Variants in PLSCR1 observed in about 807,000 individuals in gnomAD.
PLSCR1 encodes phospholipid scramblase 1, also known as PL scramblase 1.
A neutral mutation model predicts 37.8 loss-of-function variants in PLSCR1; 17 were observed. The ratio of observed to expected loss-of-function variants is 0.45; its 90% CI spans 0.31 to 0.68. The LOEUF (loss-of-function observed/expected upper bound fraction) is 0.68. PLSCR1 is among the 30% of genes least tolerant of loss of function. The pLI is 0.06. For missense variants in PLSCR1, 347 were observed against 380.9 expected (o/e 0.91, Z 0.74); for synonymous variants, 116 against 125.9 (o/e 0.92, Z 0.53).
chr3:146,522,535 C>T (rs1001146186), intron 5 of PLSCR1, among the ~76,000 whole-genome samples: 2 of 152,100 alleles, frequency 1.3e-5, no homozygotes, highest in African/African-American at 4.8e-5. Context: ...TCTCAAGTAC[C>T]CAGGGACACA....
intron 4 of PLSCR1, 48 bp from the exon 5 acceptor site, chr3:146,525,695 T>G (rs369836940): frequency 2.4e-6 from 2 of 835,352 alleles, no homozygotes; most frequent in African/African-American, 3.5e-5. Flanking sequence ...AAATGAAGGT[T>G]TTTATAAGCT....
At chr3:146,528,107 A>G (rs2044144276) in intron 4 of PLSCR1, 2 of 152,494 alleles carry the variant, frequency 1.3e-5, no homozygotes, top group South Asian at 4.1e-4. Flanking sequence ...ACTCAACAAT[A>G]AACTTTATTT....
chr3:146,533,669 G>T (rs577917350), intron 2 of PLSCR1, 119 bp from the exon 3 acceptor site: 2 of 511,674 alleles, frequency 3.9e-6, no homozygotes, highest in East Asian at 6.7e-5. Context: ...TTGAAATAGG[G>T]AAAGTAAAAT....
Position 146,521,535 on chromosome 3 carries a change from ATC to A in PLSCR1, c.738+7_738+8del, listed in dbSNP as rs2044019747. ...AAGCAAATCTTATAAACATTATGAC[ATC>A]TCTTACCTCAAAATCAACATCTCCA... On this transcript the variant is annotated splice_region_variant and intron_variant, in intron 7 of 8. Transcript: ENST00000342435. 6.2e-7 allele frequency: 1 copy of A among 1,609,560 alleles called. No individual in the cohort carries two copies. Among genetic ancestry groups the A allele is most frequent in the African/African-American group, 1.3e-5 (1 of 74,690 alleles).
chr3:146,521,948 C>T lies in PLSCR1; in HGVS notation c.461G>A (p.Cys154Tyr). 1 of 1,612,966 alleles carries T rather than the reference C, an allele frequency of 6.2e-7. No individual in the cohort carries two copies. The highest frequency in any genetic ancestry group is 8.5e-7 in the Non-Finnish European group (1 of 1,178,938). The stretch of plus-strand genomic sequence containing the variant: ...CAAGGTAAAAGGTCTAGATGGCCCA[C>T]AGCAATTTCGGGTACAGCAATCAGT... ...EDTDCCTRNC[C>Y]GPSRPFTLRI... The change falls in exon 6 of 9, where the codon TGT becomes TAT. Residue 154 changes from cysteine to tyrosine, a missense_variant. Coordinates refer to ENST00000342435, the MANE Select transcript of PLSCR1 (RefSeq NM_021105.3).
chr3:146,518,754 G>C (rs1391139866), intron 7 of PLSCR1, among the ~76,000 whole-genome samples: 1 of 152,078 alleles, frequency 6.6e-6, no homozygotes, highest in Non-Finnish European at 1.5e-5. Context: ...TGCAAATAAT[G>C]ATCTTCAACC....
At chr3:146,543,130 G>A (rs1291140565) in intron 1 of PLSCR1, among the ~76,000 whole-genome samples, 1 of 152,106 alleles carries the variant, frequency 6.6e-6, no homozygotes. Context: ...TAGAATTCCT[G>A]AGCTGGAGGA....
intron 5 of PLSCR1, among the ~76,000 whole-genome samples, chr3:146,523,218 A>G (rs1053890733): frequency 1.3e-5 from 2 of 152,210 alleles, no homozygotes; most frequent in Non-Finnish European, 2.9e-5. Flanking sequence ...GTGGAGGGGC[A>G]ACCCATCCCT....
chr3:146,521,500 T>A lies in PLSCR1; in HGVS notation c.738+44A>T, dbSNP rs369237081. The A allele has an allele frequency of 5.5e-5, 84 of 1,538,472 alleles. 1 individual carries two copies. The highest frequency in any genetic ancestry group is 7.4e-5 in the Non-Finnish European group (83 of 1,121,590). The stretch of plus-strand genomic sequence containing the variant: ...ATGTCCTGCAAAATTACATTCTTCT[T>A]ATATTAGGAAAGCAAATCTTATAAA... On this transcript the variant is annotated intron_variant, in intron 7 of 8. Coordinates refer to ENST00000342435, the MANE Select transcript of PLSCR1 (RefSeq NM_021105.3).
chr3:146,515,885 C>T lies in PLSCR1; in HGVS notation c.*160G>A. 1 of 457,586 alleles carries T rather than the reference C, an allele frequency of 2.2e-6. No homozygotes were observed. Among genetic ancestry groups the T allele is most frequent in the Non-Finnish European group, 3.9e-6 (1 of 254,898 alleles). The allele number at this position is 457,586 out of a possible 1,614,324, so 28.3% of individuals were successfully genotyped here. ...TGAGTATTAAAAAATGTACAAAAAC[C>T]TTTATAAATCAGTTATACAGAAGAT... On this transcript the variant is annotated 3_prime_UTR_variant, in exon 9 of 9. Transcript: ENST00000342435.
intron 1 of PLSCR1, chr3:146,536,812 G>A (rs2059793853): frequency 5.3e-6 from 2 of 377,994 alleles, no homozygotes; most frequent in East Asian, 4.0e-5. Context: ...AAAGCCTTTT[G>A]GGAAGAGGGT....
chr3:146,523,419 G>C (rs2044060976), intron 5 of PLSCR1, among the ~76,000 whole-genome samples: 1 of 152,194 alleles, frequency 6.6e-6, no homozygotes, highest in Non-Finnish European at 1.5e-5. Flanking sequence ...GAGGATTGCT[G>C]TTTATGTGCT....
Position 146,521,634 on chromosome 3 carries a change from C to T in PLSCR1, c.648G>A (p.Lys216=), listed in dbSNP as rs2044021775. The change falls in exon 7 of 9, where the codon AAG becomes AAA. Residue 216 remains lysine (K), a synonymous_variant. Transcript: ENST00000342435. ...CTCTTTTCTCATTTTGAATTGTAAA[C>T]TTTGGTAGACATGGGTGCCAAGTCT... ...VIQTWHPCLP[K]FTIQNEKRED... 2 of 1,613,728 alleles carry T rather than the reference C, an allele frequency of 1.2e-6. No individual in the cohort carries two copies. Among genetic ancestry groups the T allele is most frequent in the Non-Finnish European group, 1.7e-6 (2 of 1,179,694 alleles).
At chr3:146,518,222 T>C (rs1001895156) in intron 7 of PLSCR1, among the ~76,000 whole-genome samples, 6 of 152,186 alleles carry the variant, frequency 3.9e-5, no homozygotes, top group Non-Finnish European at 1.5e-5. Context: ...GTCCTTAAAC[T>C]TGGCTAAGTG....
At chr3:146,531,088 A>T (rs1576791724) in intron 3 of PLSCR1, among the ~76,000 whole-genome samples, 1 of 152,312 alleles carries the variant, frequency 6.6e-6, no homozygotes. Flanking sequence ...AAAGGTCGCT[A>T]TTGAGATGGG....
At chr3:146,524,741 CA>C (rs1202067490) in intron 5 of PLSCR1, among the ~76,000 whole-genome samples, 1 of 151,978 alleles carries the variant, frequency 6.6e-6, no homozygotes, top group Admixed American at 6.6e-5. Context: ...ATGTGCTTTA[CA>C]AATAACTTCA....
intron 7 of PLSCR1, chr3:146,517,409 T>C (rs963979342): frequency 4.9e-6 from 1 of 202,500 alleles, no homozygotes; most frequent in Non-Finnish European, 9.8e-6. Context: ...TTTATATTAA[T>C]ATAGACATTA....
chr3:146,523,928 A>G (rs2044068993), intron 5 of PLSCR1, among the ~76,000 whole-genome samples: 1 of 152,230 alleles, frequency 6.6e-6, no homozygotes, highest in Admixed American at 6.5e-5. Flanking sequence ...ATGAGTGATT[A>G]AAATAAATAT....
chr3:146,518,383 C>A (rs975423937), intron 7 of PLSCR1, among the ~76,000 whole-genome samples: 2 of 152,092 alleles, frequency 1.3e-5, no homozygotes, highest in South Asian at 4.2e-4. Flanking sequence ...CACTGAAACA[C>A]AGTTGACCTA....
Sources: gnomAD v4.1 joint callset for allele counts (sites outside exome capture counted in the v4.1 genomes callset) on GRCh38, gnomAD v4.1.1 for gene constraint, MANE v1.5 for transcripts, NCBI Gene and HGNC (gene_info 2026-07-23, HGNC 2026-07-21) for gene names.